The following EXOC4 variants were observed in gnomAD, a reference collection of about 807,000 sequenced individuals.
EXOC4 encodes SEC8-like 1.
EXOC4 carries 71 observed loss-of-function variants against 107.2 expected under a neutral mutation model. That is an observed-to-expected ratio of 0.66 (90% CI 0.55 to 0.81). The LOEUF (loss-of-function observed/expected upper bound fraction) is 0.81, where lower values mean the gene tolerates loss of function less well. Ranked by LOEUF, EXOC4 falls within the 30% of genes least tolerant of loss-of-function variation. The probability of loss-of-function intolerance (pLI) is 0.00; values close to 1 mark genes in which losing one functional copy is unlikely to be tolerated. For missense variants in EXOC4, 1,108 were observed against 1,189.6 expected (o/e 0.93, Z 1.01); for synonymous variants, 456 against 441.2 (o/e 1.03, Z -0.42).
intron 9 of EXOC4, among the ~76,000 whole-genome samples, chr7:133,481,380 C>T (rs143465708): frequency 8.4e-5 from 5 of 59,372 alleles, no homozygotes; most frequent in African/African-American, 3.4e-4. Flanking sequence ...GGGATGGGAA[C>T]GAATACTTTT....
chr7:133,429,698 C>A (rs1797810088), intron 7 of EXOC4, among the ~76,000 whole-genome samples: 1 of 152,256 alleles, frequency 6.6e-6, no homozygotes, highest in Admixed American at 6.5e-5. Flanking sequence ...TAAATAGAAT[C>A]ATACAGTATG....
chr7:133,535,080 ATTTTAT>A (rs1392566550), intron 9 of EXOC4, among the ~76,000 whole-genome samples: 1 of 152,110 alleles, frequency 6.6e-6, no homozygotes, highest in East Asian at 1.9e-4. Context: ...GAAGAACCGT[ATTTTAT>A]TTTTTGAAAA....
chr7:133,255,125 CTAGG>C, intron 1 of EXOC4, among the ~76,000 whole-genome samples: 1 of 151,836 alleles, frequency 6.6e-6, no homozygotes, highest in South Asian at 2.1e-4. Context: ...TGATTTAGGC[CTAGG>C]TATTTTTTAC....
intron 9 of EXOC4, among the ~76,000 whole-genome samples, chr7:133,617,917 C>T (rs1367580530): frequency 6.6e-6 from 1 of 152,040 alleles, no homozygotes; most frequent in Non-Finnish European, 1.5e-5. Context: ...GGGATAGGAC[C>T]TACTTTCAAA....
intron 10 of EXOC4, among the ~76,000 whole-genome samples, chr7:133,723,654 T>G (rs1327291111): frequency 6.6e-6 from 1 of 152,100 alleles, no homozygotes; most frequent in East Asian, 1.9e-4. Context: ...CATGCTCAGC[T>G]AATTTTTTGT....
At chr7:133,454,690 T>C (rs1392899705) in intron 7 of EXOC4, among the ~76,000 whole-genome samples, 1 of 152,192 alleles carries the variant, frequency 6.6e-6, no homozygotes, top group Non-Finnish European at 1.5e-5. Flanking sequence ...AGAACTTATT[T>C]CTAAGATGGC....
chr7:133,604,892 AT>A (rs995006087), intron 9 of EXOC4, among the ~76,000 whole-genome samples: 8 of 150,700 alleles, frequency 5.3e-5, no homozygotes, highest in African/African-American at 2.0e-4. Flanking sequence ...CCCAGCTAAT[AT>A]TTTTTATTTT....
chr7:133,881,812 C>T (rs955111515), intron 11 of EXOC4, among the ~76,000 whole-genome samples: 8 of 152,148 alleles, frequency 5.3e-5, no homozygotes, highest in Non-Finnish European at 1.0e-4. Context: ...GCTATGTCTT[C>T]ACATTTTAAA....
chr7:133,635,118 G>T (rs1033332995), intron 10 of EXOC4, among the ~76,000 whole-genome samples: 1 of 151,946 alleles, frequency 6.6e-6, no homozygotes, highest in Non-Finnish European at 1.5e-5. Flanking sequence ...ATGGATTTAG[G>T]TTTCTTTCCA....
chr7:133,935,480 C>T (rs550728514), intron 13 of EXOC4, among the ~76,000 whole-genome samples: 1 of 152,256 alleles, frequency 6.6e-6, no homozygotes, highest in South Asian at 2.1e-4. Context: ...CTAATGGTTT[C>T]TGTCACAATA....
At chr7:133,912,716 C>T (rs1359722763) in intron 12 of EXOC4, among the ~76,000 whole-genome samples, 6 of 152,102 alleles carry the variant, frequency 3.9e-5, no homozygotes, top group Admixed American at 3.3e-4. Context: ...TCGACTCTGT[C>T]CTCATAGAAC....
rs201546582 is a variant in EXOC4, at chr7:133,267,398, C to T, written c.87-7584C>T. 2.6e-5 allele frequency among the ~76,000 whole-genome samples: 4 copies of T among 152,208 alleles called. No homozygotes were observed. In the East Asian group the frequency reaches 7.7e-4, roughly 29 times the overall value. On this transcript the variant is annotated intron_variant, in intron 1 of 17. Transcript: ENST00000253861. The stretch of plus-strand genomic sequence containing the variant: ...TCCTTGCCATTCCATGTTCCTTGAG[C>T]AGGCTAAACACACCCTGTTTCAGGG...
chr7:133,406,747 C>G (rs573511023), intron 7 of EXOC4, among the ~76,000 whole-genome samples: 6 of 152,134 alleles, frequency 3.9e-5, no homozygotes, highest in Non-Finnish European at 8.8e-5. Flanking sequence ...TTCATTTAGG[C>G]AACAGTCATT....
chr7:133,320,918 C>G (rs1322291622), intron 5 of EXOC4, among the ~76,000 whole-genome samples: 1 of 152,116 alleles, frequency 6.6e-6, no homozygotes, highest in Admixed American at 6.5e-5. Flanking sequence ...GGAATTTTGT[C>G]TTATTCTTAA....
At chr7:133,905,546 T>C (rs775727609) in intron 12 of EXOC4, among the ~76,000 whole-genome samples, 1 of 152,174 alleles carries the variant, frequency 6.6e-6, no homozygotes, top group African/African-American at 2.4e-5. Flanking sequence ...CAGCAGCTCA[T>C]GTGTCCCAAA....
chr7:134,061,877 TTTAAA>T (rs1278056195), intron 17 of EXOC4, among the ~76,000 whole-genome samples: 1 of 152,166 alleles, frequency 6.6e-6, no homozygotes, highest in Non-Finnish European at 1.5e-5. Context: ...AAACAGTGTG[TTTAAA>T]TTACAGCAGA....
chr7:133,888,058 C>G (rs1395519038), intron 11 of EXOC4, among the ~76,000 whole-genome samples: 6 of 152,242 alleles, frequency 3.9e-5, no homozygotes, highest in African/African-American at 1.4e-4. Flanking sequence ...TAGAATATAG[C>G]TGCTCCTTCC....
At chr7:133,630,243 A>T in intron 10 of EXOC4, 102 bp downstream of exon 10, 2 of 858,900 alleles carry the variant, frequency 2.3e-6, no homozygotes, top group Non-Finnish European at 3.7e-6. Flanking sequence ...AACAAGTCAT[A>T]AAAGAAATTT....
intron 3 of EXOC4, among the ~76,000 whole-genome samples, chr7:133,302,184 G>T (rs1269876718): frequency 5.3e-5 from 8 of 152,116 alleles, no homozygotes; most frequent in African/African-American, 1.4e-4. Context: ...TTCATACATG[G>T]ATAGGTTTCT....
Sources: gnomAD v4.1 joint callset for allele counts (sites outside exome capture counted in the v4.1 genomes callset) on GRCh38, gnomAD v4.1.1 for gene constraint, MANE v1.5 for transcripts, NCBI Gene and HGNC (gene_info 2026-07-23, HGNC 2026-07-21) for gene names.